EEIG2: variants seen among roughly 807,000 people sequenced by gnomAD.
EEIG2 encodes family with sequence similarity 102 member B.
the EEIG2 span, chr1:108,616,356 C>A: frequency 1.3e-6 from 2 of 1,489,864 alleles, no homozygotes; most frequent in East Asian, 2.3e-5. Context: ...TTTTTATAAT[C>A]GTGATATTTC....
At chr1:108,636,100 A>G in the EEIG2 span, 2 of 152,322 alleles carry the variant, frequency 1.3e-5, no homozygotes, top group Admixed American at 1.3e-4. Flanking sequence ...GCTTGCCATG[A>G]CTGATGCAGA....
At chr1:108,606,438 T>A in the EEIG2 span, among the ~76,000 whole-genome samples, 1 of 152,202 alleles carries the variant, frequency 6.6e-6, no homozygotes, top group East Asian at 1.9e-4. Context: ...AAATGCTGAT[T>A]ATGGAATATT....
the EEIG2 span, among the ~76,000 whole-genome samples, chr1:108,582,837 G>A: frequency 0.14 from 21,290 of 152,060 alleles, 2,262 homozygotes; most frequent in African/African-American, 0.3. Context: ...GTAGCTGAGT[G>A]GGGGAGCAGA....
chr1:108,575,782 A>G, the EEIG2 span, among the ~76,000 whole-genome samples: 1 of 152,232 alleles, frequency 6.6e-6, no homozygotes, highest in Non-Finnish European at 1.5e-5. Context: ...GACAGAAAGT[A>G]GATTAGTGGT....
chr1:108,572,352 T>TC, the EEIG2 span, among the ~76,000 whole-genome samples: 1 of 152,026 alleles, frequency 6.6e-6, no homozygotes, highest in East Asian at 1.9e-4. Context: ...TCACATAGCC[T>TC]CCCCCACTAG....
chr1:108,560,122 A>AGGCGGCGGCGGAGGCGGCGGCGGC, the EEIG2 span: 1 of 173,448 alleles, frequency 5.8e-6, no homozygotes, highest in African/African-American at 2.6e-5. Flanking sequence ...GCGGCGGCGG[A>AGGCGGCGGCGGAGGCGGCGGCGGC]GGCGGCGGCG....
the EEIG2 span, chr1:108,638,460 CATT>C: frequency 6.6e-6 from 1 of 152,240 alleles, no homozygotes; most frequent in Non-Finnish European, 1.5e-5. Flanking sequence ...CTGAAGCTGA[CATT>C]ATTACCAAAT....
the EEIG2 span, among the ~76,000 whole-genome samples, chr1:108,620,754 AGG>A: frequency 6.6e-6 from 1 of 152,162 alleles, no homozygotes. Context: ...TAATTCTTCC[AGG>A]GTCCCAGGAT....
At chr1:108,625,608 C>A in the EEIG2 span, 1 of 152,104 alleles carries the variant, frequency 6.6e-6, no homozygotes, top group African/African-American at 2.4e-5. Flanking sequence ...TGTAAATATG[C>A]TGATTTCTTT....
chr1:108,576,712 T>C, the EEIG2 span, among the ~76,000 whole-genome samples: 3 of 149,396 alleles, frequency 2.0e-5, no homozygotes, highest in African/African-American at 7.4e-5. Context: ...GACATTTGCG[T>C]TGGTTCCAAG....
the EEIG2 span, among the ~76,000 whole-genome samples, chr1:108,591,499 CCATA>C: frequency 6.6e-6 from 1 of 152,162 alleles, no homozygotes; most frequent in African/African-American, 2.4e-5. Context: ...ATTTTTAAGC[CCATA>C]CATTTAAAAA....
the EEIG2 span, among the ~76,000 whole-genome samples, chr1:108,573,147 G>T: frequency 1.3e-5 from 2 of 152,296 alleles, no homozygotes; most frequent in South Asian, 4.1e-4. Context: ...TATCAGAAGA[G>T]TATTGCCCAC....
At chr1:108,630,255 T>G in the EEIG2 span, among the ~76,000 whole-genome samples, 3 of 152,228 alleles carry the variant, frequency 2.0e-5, no homozygotes, top group African/African-American at 7.2e-5. Flanking sequence ...TAACCTTTCT[T>G]GTACTCTCCT....
chr1:108,560,653 C>T, the EEIG2 span: 5 of 1,472,056 alleles, frequency 3.4e-6, no homozygotes, highest in Admixed American at 2.1e-5. Context: ...CATTTGCTCG[C>T]CTTTCCCTAG....
At chr1:108,573,435 A>G in the EEIG2 span, among the ~76,000 whole-genome samples, 1 of 152,216 alleles carries the variant, frequency 6.6e-6, no homozygotes, top group Admixed American at 6.5e-5. Flanking sequence ...TTGAAAAACT[A>G]CAGTACCTCA....
chr1:108,568,623 A>T, the EEIG2 span, among the ~76,000 whole-genome samples: 3 of 152,208 alleles, frequency 2.0e-5, no homozygotes, highest in Non-Finnish European at 2.9e-5. Flanking sequence ...AGGTATTTTT[A>T]AAAAATAACT....
At chr1:108,609,884 A>G in the EEIG2 span, among the ~76,000 whole-genome samples, 7 of 152,136 alleles carry the variant, frequency 4.6e-5, no homozygotes, top group African/African-American at 1.7e-4. Context: ...GGAGGGGATC[A>G]GCACACACTG....
At chr1:108,617,016 G>T in the EEIG2 span, among the ~76,000 whole-genome samples, 1 of 152,188 alleles carries the variant, frequency 6.6e-6, no homozygotes, top group South Asian at 2.1e-4. Context: ...GAGGTGGGAA[G>T]CAAGTCACAC....
chr1:108,609,287 TC>T, the EEIG2 span, among the ~76,000 whole-genome samples: 1 of 152,080 alleles, frequency 6.6e-6, no homozygotes, highest in Non-Finnish European at 1.5e-5. Context: ...AACAGACAAA[TC>T]CCCTGCATTT....
Sources: gnomAD v4.1 joint callset for allele counts (sites outside exome capture counted in the v4.1 genomes callset) on GRCh38, gnomAD v4.1.1 for gene constraint, MANE v1.5 for transcripts, NCBI Gene and HGNC (gene_info 2026-07-23, HGNC 2026-07-21) for gene names.